The following MGAT4C variants were observed in gnomAD, a reference collection of about 807,000 sequenced individuals.
The protein encoded by MGAT4C is MGAT4 family member C.
Under a neutral mutation model 40.1 loss-of-function variants are expected in MGAT4C, and 19 were observed. The observed-to-expected ratio is 0.47, with a 90% CI of 0.33 to 0.70. The LOEUF is 0.70. Among genes scored for constraint, MGAT4C ranks in the 30% least tolerant of loss-of-function variants. The probability of loss-of-function intolerance (pLI) is 0.02; values close to 1 mark genes in which losing one functional copy is unlikely to be tolerated. For missense variants in MGAT4C, 491 were observed against 563.2 expected (o/e 0.87, Z 1.30); for synonymous variants, 181 against 187.1 (o/e 0.97, Z 0.27).
intron 2 of MGAT4C, among the ~76,000 whole-genome samples, chr12:86,502,702 G>T (rs1027728360): frequency 2.0e-5 from 3 of 146,662 alleles, no homozygotes; most frequent in African/African-American, 7.5e-5. Context: ...ATATACACGA[G>T]ATCTGCTCAT....
At chr12:86,352,501 C>T (rs1955185264) in intron 3 of MGAT4C, among the ~76,000 whole-genome samples, 1 of 151,998 alleles carries the variant, frequency 6.6e-6, no homozygotes, top group African/African-American at 2.4e-5. Flanking sequence ...ATGTAATTTA[C>T]TATAGATTGA....
At chr12:86,397,190 A>C (rs994628064) in intron 3 of MGAT4C, among the ~76,000 whole-genome samples, 1 of 152,158 alleles carries the variant, frequency 6.6e-6, no homozygotes, top group Non-Finnish European at 1.5e-5. Context: ...GAGAGCAGAA[A>C]ATGAGTTTTT....
intron 3 of MGAT4C, among the ~76,000 whole-genome samples, chr12:86,410,488 C>G (rs192881794): frequency 3.3e-5 from 5 of 152,084 alleles, no homozygotes; most frequent in Non-Finnish European, 7.4e-5. Context: ...CTATTCTGCC[C>G]GACCACACAG....
intron 2 of MGAT4C, among the ~76,000 whole-genome samples, chr12:86,592,397 C>T (rs942548429): frequency 1.2e-4 from 19 of 152,052 alleles, no homozygotes; most frequent in African/African-American, 4.6e-4. Context: ...TCAAAAACGG[C>T]TGTGAAAATT....
chr12:86,387,774 C>T (rs1956082433), intron 3 of MGAT4C, among the ~76,000 whole-genome samples: 1 of 152,108 alleles, frequency 6.6e-6, no homozygotes, highest in South Asian at 2.1e-4. Flanking sequence ...AAAAGTAGAT[C>T]ATCCATTACA....
intron 1 of MGAT4C, among the ~76,000 whole-genome samples, chr12:86,128,922 A>G (rs2135705558): frequency 6.6e-6 from 1 of 152,218 alleles, no homozygotes; most frequent in Non-Finnish European, 1.5e-5. Context: ...CATTTTTGAA[A>G]AGGGTGTCCT....
chr12:86,337,830 T>TTA (rs1207342552), intron 3 of MGAT4C, among the ~76,000 whole-genome samples: 1 of 152,206 alleles, frequency 6.6e-6, no homozygotes, highest in African/African-American at 2.4e-5. Context: ...AGCCTTCTAC[T>TTA]TATAAAATTA....
chr12:86,621,593 T>C (rs1213757754), intron 2 of MGAT4C, among the ~76,000 whole-genome samples: 2 of 152,078 alleles, frequency 1.3e-5, no homozygotes, highest in South Asian at 4.1e-4. Context: ...ATCCTCCCAC[T>C]TCAGCCTCCT....
At chr12:86,672,281 A>G (rs1198852567) in intron 2 of MGAT4C, among the ~76,000 whole-genome samples, 34 of 152,122 alleles carry the variant, frequency 2.2e-4, no homozygotes, top group African/African-American at 2.4e-5. Context: ...ATACAGAGAA[A>G]GCAGTATTAA....
intron 2 of MGAT4C, among the ~76,000 whole-genome samples, chr12:86,044,959 G>A (rs1306142610): frequency 6.6e-6 from 1 of 152,072 alleles, no homozygotes; most frequent in African/African-American, 2.4e-5. Flanking sequence ...GTGAGGGCAG[G>A]TTGCTCCTCA....
At chr12:86,585,687 G>C (rs1412268318) in intron 2 of MGAT4C, among the ~76,000 whole-genome samples, 1 of 148,140 alleles carries the variant, frequency 6.8e-6, no homozygotes, top group East Asian at 2.0e-4. Flanking sequence ...GCATCATGAA[G>C]ACTATCTCCA....
intron 2 of MGAT4C, among the ~76,000 whole-genome samples, chr12:86,539,792 T>C (rs1181539044): frequency 6.6e-6 from 1 of 152,252 alleles, no homozygotes; most frequent in Non-Finnish European, 1.5e-5. Context: ...CATTTTTTCA[T>C]GTATCTGTTG....
At chr12:86,397,439 T>C (rs552239521) in intron 3 of MGAT4C, among the ~76,000 whole-genome samples, 10 of 152,224 alleles carry the variant, frequency 6.6e-5, no homozygotes, top group Admixed American at 1.3e-4. Flanking sequence ...TTTTGCCTCA[T>C]ATCCACACCT....
At chr12:86,442,556 T>A (rs1186632929) in intron 2 of MGAT4C, among the ~76,000 whole-genome samples, 2 of 152,146 alleles carry the variant, frequency 1.3e-5, no homozygotes, top group Non-Finnish European at 2.9e-5. Context: ...TTCAGCTTTC[T>A]ACATATGGCT....
At chr12:86,156,750 A>AT in intron 1 of MGAT4C, among the ~76,000 whole-genome samples, 1 of 152,272 alleles carries the variant, frequency 6.6e-6, no homozygotes, top group Middle Eastern at 3.4e-3. Flanking sequence ...TTCATTTTTC[A>AT]TTTTTCTACT....
At chr12:86,813,502 A>G (rs1952517706) in intron 1 of MGAT4C, among the ~76,000 whole-genome samples, 1 of 143,708 alleles carries the variant, frequency 7.0e-6, no homozygotes, top group African/African-American at 2.6e-5. Context: ...CATTTTTTTC[A>G]TATAGGTTTC....
chr12:86,470,837 C>T (rs1234828378), intron 2 of MGAT4C, among the ~76,000 whole-genome samples: 1 of 151,982 alleles, frequency 6.6e-6, no homozygotes, highest in Non-Finnish European at 1.5e-5. Context: ...TTTTCTCTTT[C>T]TCTGCTCCTC....
chr12:86,300,190 C>T (rs922314059), intron 4 of MGAT4C, among the ~76,000 whole-genome samples: 4 of 152,076 alleles, frequency 2.6e-5, no homozygotes, highest in South Asian at 2.1e-4. Context: ...CAATTTTTTT[C>T]TATTCTTTTT....
intron 2 of MGAT4C, among the ~76,000 whole-genome samples, chr12:86,554,431 T>A (rs745889580): frequency 6.6e-6 from 1 of 152,180 alleles, no homozygotes; most frequent in African/African-American, 2.4e-5. Flanking sequence ...ATTAACTCAT[T>A]TTTTGTCTAC....
Sources: allele counts gnomAD v4.1 joint callset (sites outside exome capture counted in the v4.1 genomes callset), GRCh38; gene constraint gnomAD v4.1.1; transcripts MANE v1.5; gene names NCBI Gene and HGNC (gene_info 2026-07-23, HGNC 2026-07-21).